The following R3HDM1 variants were observed in gnomAD, a reference collection of about 807,000 sequenced individuals.
R3HDM1 encodes R3H domain containing 1.
Under a neutral mutation model 141.1 loss-of-function variants are expected in R3HDM1, and 46 were observed. The observed-to-expected ratio is 0.33, with a 90% CI of 0.26 to 0.42. The LOEUF is 0.42. Among genes scored for constraint, R3HDM1 ranks in the 10% least tolerant of loss-of-function variants. R3HDM1 has a pLI of 1.00. For missense variants in R3HDM1, 1,184 were observed against 1,368.3 expected (o/e 0.87, Z 2.12); for synonymous variants, 435 against 472.9 (o/e 0.92, Z 1.04).
intron 21 of R3HDM1, among the ~76,000 whole-genome samples, chr2:135,696,228 A>G (rs887371437): frequency 6.6e-6 from 1 of 152,204 alleles, no homozygotes; most frequent in South Asian, 2.1e-4. Context: ...AAGGCCAAAA[A>G]ATATATATAA....
Position 135,622,724 on chromosome 2 carries a change from C to T in R3HDM1, c.489C>T (p.Asn163=). ...LHEFLVNTLK[N]NPRDRMMLLK... Reference sequence around the variant, plus strand: ...AATTTTTAGTAAATACATTAAAAAACAATCCCAGGTAAAAATTAAATTTAT... The same window carrying T: ...AATTTTTAGTAAATACATTAAAAAATAATCCCAGGTAAAAATTAAATTTAT... The change falls in exon 7 of 27, where the codon AAC becomes AAT. Residue 163 remains asparagine (N), a synonymous_variant. Coordinates refer to ENST00000683871, the MANE Select transcript of R3HDM1 (RefSeq NM_001378107.1). The T allele has an allele frequency of 6.3e-7, 1 of 1,581,550 alleles. No individual in the cohort carries two copies. Among genetic ancestry groups the T allele is most frequent in the African/African-American group, 1.3e-5 (1 of 74,276 alleles).
At chr2:135,678,981 A>G (rs1315737867) in intron 20 of R3HDM1, among the ~76,000 whole-genome samples, 1 of 150,106 alleles carries the variant, frequency 6.7e-6, no homozygotes, top group African/African-American at 2.5e-5. Flanking sequence ...CTGGTCTCGA[A>G]CTCCAGAGCT....
At chr2:135,721,470 CCT>C (rs2076689904) in intron 24 of R3HDM1, 1 of 167,606 alleles carries the variant, frequency 6.0e-6, no homozygotes, top group African/African-American at 2.4e-5. Flanking sequence ...AGAGCAGTAC[CCT>C]GTCTCCAAAA....
intron 1 of R3HDM1, among the ~76,000 whole-genome samples, chr2:135,533,753 C>T (rs1695451726): frequency 6.6e-6 from 1 of 152,158 alleles, no homozygotes; most frequent in Non-Finnish European, 1.5e-5. Flanking sequence ...GTGGCGGGCA[C>T]CTGTAATCTC....
chr2:135,597,186 C>T (rs2059262640), intron 1 of R3HDM1: 1 of 972,812 alleles, frequency 1.0e-6, no homozygotes, highest in Non-Finnish European at 1.2e-6. Flanking sequence ...TAATGTCCTC[C>T]TAAAATTATT....
intron 5 of R3HDM1, 25 bp from the exon 6 acceptor site, chr2:135,621,469 A>T: frequency 7.1e-7 from 1 of 1,407,012 alleles, no homozygotes; most frequent in Non-Finnish European, 9.8e-7. Context: ...ATTTTCATTG[A>T]ATAATTGACT....
chr2:135,686,197 G>C (rs1040365569), intron 21 of R3HDM1, among the ~76,000 whole-genome samples: 14 of 152,112 alleles, frequency 9.2e-5, no homozygotes, highest in African/African-American at 3.4e-4. Flanking sequence ...GTGGAAAAAA[G>C]GGAACCCTTG....
chr2:135,567,962 G>C lies in R3HDM1; in HGVS notation c.-249-34538G>C, dbSNP rs980844635. Among the ~76,000 whole-genome samples the C allele has an allele frequency of 2.2e-5, 3 of 136,676 alleles. No individual in the cohort carries two copies. The Admixed American group carries it at 2.5e-4, about 11-fold the overall frequency. 89.7% of individuals were successfully genotyped at this position (136,676 alleles called of 152,430 possible). ...AGATAGGATCTTACTCTTTTGACCAGCCTGGTCTCGAACTCCTGGCCTAAA... is the reference window on the plus strand; with the variant it reads ...AGATAGGATCTTACTCTTTTGACCACCCTGGTCTCGAACTCCTGGCCTAAA... On this transcript the variant is annotated intron_variant, in intron 1 of 26. Transcript: ENST00000683871.
intron 1 of R3HDM1, chr2:135,596,969 A>G: frequency 1.1e-6 from 1 of 947,370 alleles, no homozygotes; most frequent in Non-Finnish European, 1.3e-6. Flanking sequence ...ATTTGATAGC[A>G]CAAATTGTTT....
At chr2:135,601,873 G>A (rs1239976191) in intron 1 of R3HDM1, among the ~76,000 whole-genome samples, 5 of 151,662 alleles carry the variant, frequency 3.3e-5, no homozygotes, top group Non-Finnish European at 7.4e-5. Flanking sequence ...TGTTGCCCAT[G>A]CTAGTCTTGA....
intron 19 of R3HDM1, among the ~76,000 whole-genome samples, chr2:135,661,767 A>G (rs2105308467): frequency 6.6e-6 from 1 of 152,328 alleles, no homozygotes; most frequent in Middle Eastern, 3.4e-3. Context: ...ACCAGAAGCA[A>G]AGATCAAAAC....
chr2:135,536,170 C>T (rs1696058719), intron 1 of R3HDM1, among the ~76,000 whole-genome samples: 1 of 152,034 alleles, frequency 6.6e-6, no homozygotes, highest in Non-Finnish European at 1.5e-5. Flanking sequence ...GACAGGGATT[C>T]ACCCTGTCAC....
In R3HDM1 at chr2:135,546,713, T is replaced by G. The variant is rs541188030; in HGVS notation, c.-250+15080T>G. Reference sequence around the variant, plus strand: ...TGGTTTGACCACAGAAAAGAAATGGTTACGCTGGAGTGCAGTGTCACTATC... The same window carrying G: ...TGGTTTGACCACAGAAAAGAAATGGGTACGCTGGAGTGCAGTGTCACTATC... On this transcript the variant is annotated intron_variant, in intron 1 of 26. Transcript: ENST00000683871. Among the ~76,000 whole-genome samples the G allele has an allele frequency of 1.7e-4, 26 of 152,196 alleles. No individual in the cohort carries two copies. The South Asian group carries it at 5.2e-3, about 30-fold the overall frequency.
chr2:135,620,481 C>G (rs2105173936), intron 5 of R3HDM1: 1 of 980,068 alleles, frequency 1.0e-6, no homozygotes, highest in South Asian at 4.7e-5. Flanking sequence ...GTAAAAACTG[C>G]CAGTGTGCAT....
chr2:135,542,375 T>G (rs1697785603), intron 1 of R3HDM1, among the ~76,000 whole-genome samples: 1 of 152,236 alleles, frequency 6.6e-6, no homozygotes. Context: ...TAGAGCACAA[T>G]AGAAATACCT....
rs949026156 is a variant in R3HDM1, at chr2:135,675,586, A to G, written c.2307+100A>G. 7 of 1,230,568 alleles carry G rather than the reference A, an allele frequency of 5.7e-6. No homozygotes were observed. In the East Asian group the frequency reaches 1.4e-4, roughly 25 times the overall value. 76.2% of individuals were successfully genotyped at this position (1,230,568 alleles called of 1,614,324 possible). On this transcript the variant is annotated intron_variant, in intron 20 of 26. Coordinates refer to ENST00000683871, the MANE Select transcript of R3HDM1 (RefSeq NM_001378107.1). ...CTATGCTCTCCTTTTAATACAGGAAAAACATTTCTGTAATATACAACCTTT... is the reference window on the plus strand; with the variant it reads ...CTATGCTCTCCTTTTAATACAGGAAGAACATTTCTGTAATATACAACCTTT...
intron 16 of R3HDM1, among the ~76,000 whole-genome samples, chr2:135,648,714 G>A (rs983510064): frequency 1.3e-5 from 2 of 150,150 alleles, no homozygotes; most frequent in Non-Finnish European, 3.0e-5. Context: ...AAATTAAACA[G>A]ATGCAATTTT....
chr2:135,597,362 CTG>C (rs1415197918), intron 1 of R3HDM1: 7 of 791,020 alleles, frequency 8.8e-6, no homozygotes, highest in East Asian at 2.5e-4. Flanking sequence ...ATGACAGTAA[CTG>C]TTTACAAATC....
At chr2:135,673,954 A>G (rs2105339057) in intron 19 of R3HDM1, among the ~76,000 whole-genome samples, 1 of 152,126 alleles carries the variant, frequency 6.6e-6, no homozygotes, top group East Asian at 1.9e-4. Flanking sequence ...TGTGGAGACA[A>G]GATTTGGCCA....
Sources: allele counts gnomAD v4.1 joint callset (sites outside exome capture counted in the v4.1 genomes callset), GRCh38; gene constraint gnomAD v4.1.1; transcripts MANE v1.5; gene names NCBI Gene and HGNC (gene_info 2026-07-23, HGNC 2026-07-21).